NXPH1: variants seen among roughly 807,000 people sequenced by gnomAD.
NXPH1 encodes the protein neurexophilin-1.
Under a neutral mutation model 23.7 loss-of-function variants are expected in NXPH1, and 5 were observed. The observed-to-expected ratio is 0.21, with a 90% CI of 0.11 to 0.44. The LOEUF is 0.44. NXPH1 is among the 20% of genes least tolerant of loss of function. The pLI is 0.99. For missense variants in NXPH1, 324 were observed against 321.6 expected (o/e 1.01, Z -0.06); for synonymous variants, 144 against 122.2 (o/e 1.18, Z -1.18).
chr7:8,546,066 G>T (rs779036648), intron 2 of NXPH1, among the ~76,000 whole-genome samples: 2 of 151,448 alleles, frequency 1.3e-5, no homozygotes, highest in Non-Finnish European at 3.0e-5. Context: ...CAATAATTAT[G>T]CAACTTATAA....
In NXPH1 at chr7:8,607,862, G is replaced by A. The variant is rs143189244; in HGVS notation, c.55-143146G>A. Among the ~76,000 whole-genome samples the A allele has an allele frequency of 3.2e-3, 480 of 152,332 alleles. 1 individual carries two copies. Among genetic ancestry groups the A allele is most frequent in the African/African-American group, 0.011 (459 of 41,570 alleles). On this transcript the variant is annotated intron_variant, in intron 2 of 2. Transcript: ENST00000405863. ...TAAATTAAGATGAAGTCGTACTGAA[G>A]TAAGGTGGACTCTTAATCCAATATG...
intron 2 of NXPH1, among the ~76,000 whole-genome samples, chr7:8,644,873 A>C (rs1322382083): frequency 6.6e-6 from 1 of 152,116 alleles, no homozygotes; most frequent in Non-Finnish European, 1.5e-5. Context: ...TTTACTATAT[A>C]TGTTTATCTC....
chr7:8,695,584 G>C (rs1821295638), intron 2 of NXPH1, among the ~76,000 whole-genome samples: 1 of 151,982 alleles, frequency 6.6e-6, no homozygotes, highest in African/African-American at 2.4e-5. Context: ...CTTTTCTATG[G>C]TTAAGTAGAT....
At chr7:8,575,275 T>C (rs773587238) in intron 2 of NXPH1, among the ~76,000 whole-genome samples, 4 of 152,206 alleles carry the variant, frequency 2.6e-5, no homozygotes, top group Non-Finnish European at 5.9e-5. Flanking sequence ...TCTTACTTCA[T>C]ACTCTTTTAT....
At chr7:8,522,276 C>T (rs1817785223) in intron 2 of NXPH1, among the ~76,000 whole-genome samples, 1 of 152,128 alleles carries the variant, frequency 6.6e-6, no homozygotes, top group Non-Finnish European at 1.5e-5. Flanking sequence ...CTAGCTCTAT[C>T]CCTTGGTCCC....
At chr7:8,735,159 C>T (rs904707096) in intron 2 of NXPH1, among the ~76,000 whole-genome samples, 1 of 152,144 alleles carries the variant, frequency 6.6e-6, no homozygotes, top group Admixed American at 6.6e-5. Flanking sequence ...ATTGCCCTGG[C>T]CAGAACTTCC....
chr7:8,591,302 C>T (rs1030928913), intron 2 of NXPH1, among the ~76,000 whole-genome samples: 2 of 152,044 alleles, frequency 1.3e-5, no homozygotes, highest in Non-Finnish European at 2.9e-5. Context: ...GAGCAATTTA[C>T]TCAATGACAC....
chr7:8,603,047 G>C (rs1417055983), intron 2 of NXPH1, among the ~76,000 whole-genome samples: 1 of 152,088 alleles, frequency 6.6e-6, no homozygotes, highest in Non-Finnish European at 1.5e-5. Context: ...CTAGCCTCAG[G>C]TGATCTGCCT....
intron 2 of NXPH1, among the ~76,000 whole-genome samples, chr7:8,652,185 C>G (rs1284566456): frequency 1.3e-5 from 2 of 152,012 alleles, no homozygotes; most frequent in African/African-American, 4.8e-5. Flanking sequence ...AAAATTTCAA[C>G]AAACAATGAA....
intron 2 of NXPH1, among the ~76,000 whole-genome samples, chr7:8,485,351 C>G (rs1020112801): frequency 5.9e-5 from 9 of 152,068 alleles, no homozygotes; most frequent in African/African-American, 1.9e-4. Context: ...TATAAATTAC[C>G]CAGTCTTGGG....
intron 2 of NXPH1, among the ~76,000 whole-genome samples, chr7:8,733,980 A>T (rs763001100): frequency 6.6e-6 from 1 of 151,374 alleles, no homozygotes; most frequent in South Asian, 2.1e-4. Flanking sequence ...GTATTGCCTA[A>T]GTATTCCAGG....
chr7:8,735,997 T>C (rs1780247869), intron 2 of NXPH1, among the ~76,000 whole-genome samples: 1 of 152,200 alleles, frequency 6.6e-6, no homozygotes, highest in South Asian at 2.1e-4. Flanking sequence ...TTTATCATTT[T>C]TATTGTGCCT....
intron 2 of NXPH1, among the ~76,000 whole-genome samples, chr7:8,538,955 G>T (rs1818069241): frequency 1.3e-5 from 2 of 151,902 alleles, no homozygotes; most frequent in South Asian, 2.1e-4. Context: ...ATTACTAGTG[G>T]TTGGTAGATG....
intron 2 of NXPH1, among the ~76,000 whole-genome samples, chr7:8,466,364 T>C (rs988540161): frequency 6.6e-6 from 1 of 152,210 alleles, no homozygotes; most frequent in Non-Finnish European, 1.5e-5. Context: ...ATGGGAACGA[T>C]GAGCTCTTTT....
intron 2 of NXPH1, among the ~76,000 whole-genome samples, chr7:8,575,735 A>T (rs1379145072): frequency 1.3e-5 from 2 of 150,444 alleles, no homozygotes; most frequent in Non-Finnish European, 2.9e-5. Context: ...TTCTACCAAA[A>T]GGTGAGGCAT....
At chr7:8,563,051 T>C (rs1036034740) in intron 2 of NXPH1, among the ~76,000 whole-genome samples, 12 of 151,876 alleles carry the variant, frequency 7.9e-5, no homozygotes, top group African/African-American at 2.9e-4. Flanking sequence ...GTTCTACTTT[T>C]TATTTGAATT....
intron 2 of NXPH1, among the ~76,000 whole-genome samples, chr7:8,652,270 A>G (rs1038959489): frequency 4.6e-5 from 7 of 152,172 alleles, no homozygotes; most frequent in African/African-American, 1.7e-4. Context: ...AACCAATGCT[A>G]CATTTTGATA....
At chr7:8,750,598 C>G (rs1191312640) in intron 2 of NXPH1, among the ~76,000 whole-genome samples, 4 of 152,116 alleles carry the variant, frequency 2.6e-5, no homozygotes, top group Admixed American at 1.3e-4. Context: ...AATTTTTGTG[C>G]TAAGAAGTAA....
intron 2 of NXPH1, among the ~76,000 whole-genome samples, chr7:8,455,321 CTT>C (rs1361516745): frequency 6.6e-6 from 1 of 152,100 alleles, no homozygotes; most frequent in African/African-American, 2.4e-5. Flanking sequence ...AATCCTGAGA[CTT>C]TAATCAGTTG....
Sources: gnomAD v4.1 joint callset for allele counts (sites outside exome capture counted in the v4.1 genomes callset) on GRCh38, gnomAD v4.1.1 for gene constraint, MANE v1.5 for transcripts, NCBI Gene and HGNC (gene_info 2026-07-23, HGNC 2026-07-21) for gene names.